Variants in ANK2 observed in about 807,000 individuals in gnomAD.
ANK2 encodes the protein ankyrin-2.
A neutral mutation model predicts 360.5 loss-of-function variants in ANK2; 83 were observed. The observed-to-expected ratio is 0.23, with a 90% confidence interval of 0.19 to 0.28. The LOEUF is 0.28. ANK2 is among the 10% of genes least tolerant of loss of function. The pLI, the probability that ANK2 is intolerant of heterozygous loss-of-function variation, is 1.00. For missense variants in ANK2, 4,201 were observed against 4,795.7 expected (o/e 0.88, Z 3.66); for synonymous variants, 1,740 against 1,759.5 (o/e 0.99, Z 0.28).
At chr4:112,749,858 G>A in the ANK2 span, among the ~76,000 whole-genome samples, 6 of 151,966 alleles carry the variant, frequency 3.9e-5, no homozygotes, top group African/African-American at 1.2e-4. Flanking sequence ...CCACTCTCCT[G>A]CCTCAGGCTC....
intron 1 of ANK2, among the ~76,000 whole-genome samples, chr4:113,148,804 G>T (rs1357846959): frequency 6.6e-6 from 1 of 152,152 alleles, no homozygotes; most frequent in Non-Finnish European, 1.5e-5. Flanking sequence ...TTCAAGGGAC[G>T]GAAGGATGGT....
chr4:113,047,479 G>A (rs1488938582), upstream of ANK2, among the ~76,000 whole-genome samples: 2 of 152,154 alleles, frequency 1.3e-5, no homozygotes, highest in African/African-American at 4.8e-5. Flanking sequence ...TCGAGTAACT[G>A]AATGTGTCCA....
chr4:112,895,567 TG>T lies in ANK2; in HGVS notation c.-39-8887del, dbSNP rs1040293937. Among the ~76,000 whole-genome samples, 128 of 152,300 alleles carry T rather than the reference TG, an allele frequency of 8.4e-4. 1 individual carries two copies. The highest frequency in any genetic ancestry group is 3.0e-3 in the African/African-American group (126 of 41,588). ...GGGGAGTTAAATAGATTTTTTTTAA[TG>T]CTCCACTGAGGCCACAATTTTGCTA... On this transcript the variant is annotated intron_variant, in intron 1 of 30. Transcript: ENST00000503271.
At chr4:113,293,632 A>G (rs972917764) in intron 22 of ANK2, 94 bp downstream of exon 22, 67 of 1,243,998 alleles carry the variant, frequency 5.4e-5, no homozygotes, top group Non-Finnish European at 7.2e-5. Context: ...AGATGTTTGG[A>G]GCTTTTAGTT....
chr4:112,868,438 A>G (rs1420547083), intron 1 of ANK2, among the ~76,000 whole-genome samples: 1 of 152,196 alleles, frequency 6.6e-6, no homozygotes, highest in Non-Finnish European at 1.5e-5. Context: ...AATGAGCCAA[A>G]CTCAGTTTTA....
At chr4:112,726,220 G>T in the ANK2 span, among the ~76,000 whole-genome samples, 1 of 152,188 alleles carries the variant, frequency 6.6e-6, no homozygotes. Context: ...GATAGGAGAG[G>T]AGAGTGGTGG....
At position 113,357,552 on chromosome 4, in the gene ANK2, T is replaced by G. The variant is rs972912523; in HGVS notation, c.8934T>G (p.Ser2978Arg). 3 of 1,614,114 alleles carry G rather than the reference T, an allele frequency of 1.9e-6. No homozygotes were observed. Among genetic ancestry groups the G allele is most frequent in the African/African-American group, 2.7e-5 (2 of 75,030 alleles). The change falls in exon 38 of 46, where the codon AGT becomes AGG. Residue 2978 changes from serine to arginine, a missense_variant. Around this residue, in one of 4 missense-constraint regions of ANK2, gnomAD observed 2,642 missense variants for 2,714.5 expected, o/e 0.97. Transcript: ENST00000357077. ...ACGTTGTAGTGGCAAGCTCCTCTAG[T>G]GGAACTGTTTTAAGCAAAGAATCTA... is the stretch of plus-strand genomic sequence containing the variant. ...VEDVVVASSS[S>R]GTVLSKESNF... is the part of the protein sequence containing the mutation.
intron 1 of ANK2, among the ~76,000 whole-genome samples, chr4:112,867,239 T>C (rs2070947294): frequency 6.6e-6 from 1 of 152,072 alleles, no homozygotes; most frequent in Non-Finnish European, 1.5e-5. Flanking sequence ...AGGCTATTGC[T>C]TTTTAAACTT....
At chr4:113,303,168 G>A (rs190029901) in intron 23 of ANK2, among the ~76,000 whole-genome samples, 5 of 152,224 alleles carry the variant, frequency 3.3e-5, no homozygotes, top group African/African-American at 9.6e-5. Flanking sequence ...ATTAAAATAT[G>A]TTTGAATTAT....
intron 17 of ANK2, among the ~76,000 whole-genome samples, chr4:113,280,614 C>G (rs1182101063): frequency 6.6e-6 from 1 of 152,186 alleles, no homozygotes; most frequent in Non-Finnish European, 1.5e-5. Flanking sequence ...GGTCCTTTGG[C>G]CACGAGAACT....
chr4:112,773,585 C>A, the ANK2 span, among the ~76,000 whole-genome samples: 2 of 152,198 alleles, frequency 1.3e-5, no homozygotes, highest in Middle Eastern at 6.8e-3. Context: ...TGGGGAAAAT[C>A]TCCCCCATTA....
At chr4:113,216,952 G>C (rs1182292521) in intron 4 of ANK2, 2 of 152,014 alleles carry the variant, frequency 1.3e-5, no homozygotes, top group East Asian at 1.9e-4. Context: ...GGCAGCTTCT[G>C]TGTCAGTAAG....
At chr4:113,130,064 G>A (rs113559787) in intron 1 of ANK2, among the ~76,000 whole-genome samples, 2 of 152,140 alleles carry the variant, frequency 1.3e-5, no homozygotes, top group African/African-American at 4.8e-5. Flanking sequence ...TGTATAATAT[G>A]CTGTTTCTGT....
At chr4:113,154,136 A>G (rs757996339) in intron 1 of ANK2, among the ~76,000 whole-genome samples, 4 of 152,234 alleles carry the variant, frequency 2.6e-5, no homozygotes, top group African/African-American at 4.8e-5. Context: ...CTGCCAGCAA[A>G]TGGGCCCTTC....
intron 1 of ANK2, chr4:113,070,206 T>C (rs1013619670): frequency 6.6e-6 from 1 of 152,212 alleles, no homozygotes; most frequent in African/African-American, 2.4e-5. Context: ...AAAATGTAGC[T>C]TCCTTCATTT....
chr4:113,298,120 G>GT (rs2072909367), intron 22 of ANK2, among the ~76,000 whole-genome samples: 3 of 151,942 alleles, frequency 2.0e-5, no homozygotes, highest in Admixed American at 2.0e-4. Flanking sequence ...CTTTTGACAT[G>GT]TTTTTTCAAC....
chr4:112,778,267 G>GCCC, the ANK2 span, among the ~76,000 whole-genome samples: 1 of 152,050 alleles, frequency 6.6e-6, no homozygotes, highest in African/African-American at 2.4e-5. Flanking sequence ...ACCACACCTG[G>GCCC]CCAATCCCAG....
chr4:112,877,052 A>G (rs2075324953), intron 1 of ANK2, among the ~76,000 whole-genome samples: 2 of 152,178 alleles, frequency 1.3e-5, no homozygotes, highest in Admixed American at 6.5e-5. Flanking sequence ...CCTTCAGAAC[A>G]AAACTCTATT....
chr4:112,739,770 G>A, the ANK2 span, among the ~76,000 whole-genome samples: 1 of 151,304 alleles, frequency 6.6e-6, no homozygotes. Context: ...TCAGTGTAGA[G>A]CTAACTTTTA....
Sources: gnomAD v4.1 joint callset for allele counts (sites outside exome capture counted in the v4.1 genomes callset) on GRCh38, gnomAD v4.1.1 for gene constraint, gnomAD v4.1.1 regional missense constraint, MANE v1.5 for transcripts, NCBI Gene and HGNC (gene_info 2026-07-23, HGNC 2026-07-21) for gene names.